CSMD1: variants seen among roughly 807,000 people sequenced by gnomAD.
CSMD1 encodes CUB and sushi domain-containing protein 1.
Under a neutral mutation model 417.5 loss-of-function variants are expected in CSMD1, and 213 were observed. The observed-to-expected ratio is 0.51, with a 90% CI of 0.46 to 0.57. The LOEUF is 0.57. Ranked by LOEUF, CSMD1 falls within the 20% of genes least tolerant of loss-of-function variation. The pLI is 0.00. For missense variants in CSMD1, 6,923 were observed against 4,529.7 expected (o/e 1.53, Z -15.17); for synonymous variants, 2,862 against 1,736.8 (o/e 1.65, Z -16.11).
At chr8:3,667,353 G>A (rs892978322) in intron 7 of CSMD1, among the ~76,000 whole-genome samples, 1 of 152,104 alleles carries the variant, frequency 6.6e-6, no homozygotes, top group Non-Finnish European at 1.5e-5. Flanking sequence ...TGTGTAGGAT[G>A]TCATGGAGAT....
intron 5 of CSMD1, among the ~76,000 whole-genome samples, chr8:3,961,000 G>A (rs1812288083): frequency 6.6e-6 from 1 of 151,762 alleles, no homozygotes; most frequent in Non-Finnish European, 1.5e-5. Context: ...TAAATTATCT[G>A]AAAATTATAA....
At chr8:3,891,988 T>A (rs573746785) in intron 5 of CSMD1, among the ~76,000 whole-genome samples, 8 of 151,698 alleles carry the variant, frequency 5.3e-5, no homozygotes, top group Admixed American at 2.0e-4. Flanking sequence ...ACTTCAATAT[T>A]AGCACACGAT....
chr8:4,041,016 CCTT>C (rs1797859809), intron 3 of CSMD1, among the ~76,000 whole-genome samples: 1 of 78,604 alleles, frequency 1.3e-5, no homozygotes, highest in Admixed American at 1.6e-4. Context: ...TTTTTTTTTT[CCTT>C]TTTTTTTTTT....
chr8:3,644,966 G>GAAAAATAA (rs1797501761), intron 7 of CSMD1, among the ~76,000 whole-genome samples: 3 of 64,486 alleles, frequency 4.7e-5, no homozygotes, highest in Admixed American at 1.8e-4. Flanking sequence ...GGCTTTAAAT[G>GAAAAATAA]AAAAAAAAAA....
chr8:3,313,705 A>G (rs1192104003), intron 23 of CSMD1, among the ~76,000 whole-genome samples: 4 of 152,226 alleles, frequency 2.6e-5, no homozygotes, highest in African/African-American at 7.2e-5. Context: ...TGTGGAAGTC[A>G]GTGTGGCCAT....
chr8:3,963,673 G>A (rs890108338), intron 5 of CSMD1, among the ~76,000 whole-genome samples: 2 of 152,156 alleles, frequency 1.3e-5, no homozygotes, highest in Admixed American at 6.5e-5. Context: ...GATTTTGTAT[G>A]TGTGTAAGTG....
At chr8:4,427,615 T>C (rs994630872) in intron 2 of CSMD1, among the ~76,000 whole-genome samples, 1 of 152,136 alleles carries the variant, frequency 6.6e-6, no homozygotes, top group Non-Finnish European at 1.5e-5. Flanking sequence ...TAAAAATTAT[T>C]GTAAATTCCA....
intron 1 of CSMD1, among the ~76,000 whole-genome samples, chr8:4,678,116 T>G (rs904700552): frequency 6.6e-6 from 1 of 152,018 alleles, no homozygotes; most frequent in South Asian, 2.1e-4. Context: ...AGCAAAACAG[T>G]CTAAAAAGAA....
chr8:4,824,294 G>C (rs536804142), intron 1 of CSMD1, among the ~76,000 whole-genome samples: 1 of 152,090 alleles, frequency 6.6e-6, no homozygotes, highest in Admixed American at 6.6e-5. Flanking sequence ...TCTTGGGTAC[G>C]TATCAATTGA....
At chr8:3,879,222 T>A (rs943661249) in intron 5 of CSMD1, among the ~76,000 whole-genome samples, 1 of 152,310 alleles carries the variant, frequency 6.6e-6, no homozygotes, top group South Asian at 2.1e-4. Context: ...AGGTATGTAT[T>A]TATACACTAT....
At chr8:4,917,965 G>C (rs149620029) in intron 1 of CSMD1, among the ~76,000 whole-genome samples, 12 of 152,288 alleles carry the variant, frequency 7.9e-5, no homozygotes, top group African/African-American at 2.9e-4. Context: ...GGTCTATTTA[G>C]TAGAGTGAGT....
intron 10 of CSMD1, among the ~76,000 whole-genome samples, chr8:3,494,567 G>C (rs1472259614): frequency 9.2e-6 from 1 of 109,198 alleles, no homozygotes; most frequent in East Asian, 2.4e-4. Context: ...TAGATAGATA[G>C]ATAGATAGAT....
chr8:3,959,131 C>G (rs1444120504), intron 5 of CSMD1, among the ~76,000 whole-genome samples: 1 of 152,158 alleles, frequency 6.6e-6, no homozygotes, highest in African/African-American at 2.4e-5. Flanking sequence ...GCACACCAGT[C>G]TTTACATATT....
chr8:3,492,727 GA>G (rs1310483003), intron 11 of CSMD1, among the ~76,000 whole-genome samples: 2 of 152,178 alleles, frequency 1.3e-5, no homozygotes, highest in Admixed American at 6.5e-5. Context: ...GGTGAAAACT[GA>G]GAAGTGGGAT....
chr8:4,878,842 T>C (rs768560150), intron 1 of CSMD1, among the ~76,000 whole-genome samples: 7 of 151,518 alleles, frequency 4.6e-5, no homozygotes, highest in Non-Finnish European at 1.0e-4. Context: ...TTTTAATATG[T>C]CACCGAGACT....
chr8:4,279,671 T>C (rs1269697994), intron 3 of CSMD1, among the ~76,000 whole-genome samples: 1 of 152,234 alleles, frequency 6.6e-6, no homozygotes, highest in Non-Finnish European at 1.5e-5. Context: ...CTGTTCAACT[T>C]ATAATTAGCC....
intron 5 of CSMD1, among the ~76,000 whole-genome samples, chr8:3,888,840 C>A (rs1191280209): frequency 6.6e-6 from 1 of 152,058 alleles, no homozygotes; most frequent in Non-Finnish European, 1.5e-5. Context: ...GAAAATGATG[C>A]CCTCTGTCTA....
intron 1 of CSMD1, among the ~76,000 whole-genome samples, chr8:4,878,719 A>T (rs1255078573): frequency 1.3e-5 from 2 of 151,924 alleles, no homozygotes; most frequent in Non-Finnish European, 2.9e-5. Flanking sequence ...TTGAAATGGC[A>T]CCCAGCAGTA....
chr8:3,638,671 G>T (rs890479082), intron 7 of CSMD1, among the ~76,000 whole-genome samples: 21 of 152,198 alleles, frequency 1.4e-4, no homozygotes, highest in African/African-American at 3.9e-4. Context: ...AGAAAGAACG[G>T]TTCTGTGGAC....
Sources: gnomAD v4.1 joint callset for allele counts (sites outside exome capture counted in the v4.1 genomes callset) on GRCh38, gnomAD v4.1.1 for gene constraint, MANE v1.5 for transcripts, NCBI Gene and HGNC (gene_info 2026-07-23, HGNC 2026-07-21) for gene names.